FRMD4B: variants seen among roughly 807,000 people sequenced by gnomAD.
The protein encoded by FRMD4B is FERM domain containing 4B, also known as FERM domain-containing protein 4B.
A neutral mutation model predicts 141.5 loss-of-function variants in FRMD4B; 74 were observed. The ratio of observed to expected loss-of-function variants is 0.52; its 90% CI spans 0.43 to 0.63. The LOEUF (loss-of-function observed/expected upper bound fraction) is 0.63, where lower values mean the gene tolerates loss of function less well. Among genes scored for constraint, FRMD4B ranks in the 30% least tolerant of loss-of-function variants. The pLI is 0.00. For missense variants in FRMD4B, 1,366 were observed against 1,253.4 expected, an observed-to-expected ratio of 1.09 and a Z score of -1.36; for synonymous variants, 506 against 467.9, an observed-to-expected ratio of 1.08 and a Z score of -1.05.
At chr3:69,376,637 T>G (rs1165561908) in intron 1 of FRMD4B, among the ~76,000 whole-genome samples, 2 of 152,206 alleles carry the variant, frequency 1.3e-5, no homozygotes, top group Non-Finnish European at 2.9e-5. Flanking sequence ...TGCTAGCATT[T>G]TTTATAGCAA....
chr3:69,518,585 T>C (rs1297861150), intron 1 of FRMD4B, among the ~76,000 whole-genome samples: 2 of 152,184 alleles, frequency 1.3e-5, no homozygotes, highest in African/African-American at 4.8e-5. Flanking sequence ...GTGGTCCACA[T>C]TGTAGCAGAG....
chr3:69,464,741 C>T (rs953957828), intron 1 of FRMD4B, among the ~76,000 whole-genome samples: 1 of 152,132 alleles, frequency 6.6e-6, no homozygotes, highest in Non-Finnish European at 1.5e-5. Flanking sequence ...AACAACACAC[C>T]GTCAATAAAT....
At chr3:69,341,783 A>T (rs1185922799) in intron 1 of FRMD4B, among the ~76,000 whole-genome samples, 4 of 152,226 alleles carry the variant, frequency 2.6e-5, no homozygotes, top group Non-Finnish European at 5.9e-5. Flanking sequence ...AGCATTTGGC[A>T]AGCTTGCCTT....
intron 1 of FRMD4B, among the ~76,000 whole-genome samples, chr3:69,440,733 G>T (rs994820870): frequency 6.6e-6 from 1 of 152,146 alleles, no homozygotes; most frequent in African/African-American, 2.4e-5. Flanking sequence ...GCTTGAACCT[G>T]GGAGGCAGAG....
chr3:69,484,525 A>G lies in FRMD4B; in HGVS notation c.-128-51764T>C, dbSNP rs190877593. Among the ~76,000 whole-genome samples the G allele has an allele frequency of 6.9e-4, 105 of 152,258 alleles. 1 individual carries two copies. Among genetic ancestry groups the G allele is most frequent in the East Asian group, 4.8e-3 (25 of 5,162 alleles). ...GAGGAGATTTATTAAGTGTTAGAAT[A>G]GCTCAGAGGAGACCCGCAGTGATTA... is the stretch of plus-strand genomic sequence containing the variant. On this transcript the variant is annotated intron_variant, in intron 1 of 5. Transcript: ENST00000459638.
intron 2 of FRMD4B, among the ~76,000 whole-genome samples, chr3:69,419,456 C>T (rs557721198): frequency 2.1e-4 from 32 of 152,234 alleles, no homozygotes; most frequent in Middle Eastern, 6.8e-3. Flanking sequence ...TTGAGCAACC[C>T]GTTGTGGAAA....
intron 1 of FRMD4B, among the ~76,000 whole-genome samples, chr3:69,453,847 T>C (rs1010623000): frequency 2.0e-5 from 3 of 152,080 alleles, no homozygotes; most frequent in Admixed American, 2.0e-4. Flanking sequence ...GAAATTCAGA[T>C]GATGGATAAA....
intron 1 of FRMD4B, among the ~76,000 whole-genome samples, chr3:69,475,884 T>G (rs548049546): frequency 1.8e-4 from 28 of 151,972 alleles, no homozygotes; most frequent in Admixed American, 3.3e-4. Flanking sequence ...CCTGACTTTT[T>G]AATGATTGCC....
chr3:69,351,989 T>C (rs1255233085), intron 1 of FRMD4B, among the ~76,000 whole-genome samples: 3 of 152,228 alleles, frequency 2.0e-5, no homozygotes, highest in Admixed American at 2.0e-4. Context: ...ACATAGTACC[T>C]GTCTGCAGCA....
chr3:69,539,152 A>C (rs1559556995), intron 1 of FRMD4B, among the ~76,000 whole-genome samples: 1 of 152,212 alleles, frequency 6.6e-6, no homozygotes, highest in East Asian at 1.9e-4. Flanking sequence ...AACTATGAAG[A>C]TTTCCTGCTA....
intron 5 of FRMD4B, among the ~76,000 whole-genome samples, chr3:69,276,615 T>A (rs555648735): frequency 1.3e-5 from 2 of 152,298 alleles, no homozygotes; most frequent in Non-Finnish European, 2.9e-5. Flanking sequence ...GCATTGGCTT[T>A]CAAGAGAACT....
chr3:69,500,533 A>G (rs575573289), intron 1 of FRMD4B, among the ~76,000 whole-genome samples: 1 of 152,216 alleles, frequency 6.6e-6, no homozygotes, highest in Admixed American at 6.5e-5. Context: ...CTACTTGCAG[A>G]GGTGTAGGAT....
chr3:69,497,430 T>C (rs1706420641), intron 1 of FRMD4B, among the ~76,000 whole-genome samples: 1 of 152,190 alleles, frequency 6.6e-6, no homozygotes, highest in Non-Finnish European at 1.5e-5. Context: ...CAAAAGAATT[T>C]CGGACGACTG....
chr3:69,207,342 AAATC>A, intron 11 of FRMD4B, among the ~76,000 whole-genome samples: 1 of 151,232 alleles, frequency 6.6e-6, no homozygotes, highest in Non-Finnish European at 1.5e-5. Context: ...GAAAGAAAAT[AAATC>A]TTTACTGTTT....
chr3:69,286,853 G>A (rs996070897), intron 5 of FRMD4B, among the ~76,000 whole-genome samples: 1 of 152,220 alleles, frequency 6.6e-6, no homozygotes, highest in Non-Finnish European at 1.5e-5. Flanking sequence ...CGCCCAGGCT[G>A]GAGTGCAGTG....
chr3:69,507,390 T>G (rs1706614472), intron 1 of FRMD4B, among the ~76,000 whole-genome samples: 1 of 151,588 alleles, frequency 6.6e-6, no homozygotes, highest in Non-Finnish European at 1.5e-5. Flanking sequence ...TGTAAGTTTG[T>G]GTGTGTGTGT....
rs1057385571 is a variant in FRMD4B at position 69,386,006 on chromosome 3, T to C, written c.-17A>G. Reference sequence around the variant, plus strand: ...CGAAGCCATGCCTCCTCCTTCGCTCTGAACCCGGGCGTCCCGGCTCTCGTA... The same window carrying C: ...CGAAGCCATGCCTCCTCCTTCGCTCCGAACCCGGGCGTCCCGGCTCTCGTA... On this transcript the variant is annotated 5_prime_UTR_variant, in exon 1 of 23. Coordinates refer to ENST00000398540, the MANE Select transcript of FRMD4B (RefSeq NM_015123.3). 1.9e-6 allele frequency: 3 copies of C among 1,558,496 alleles called. No individual in the cohort carries two copies. Among genetic ancestry groups the C allele is most frequent in the Non-Finnish European group, 2.6e-6 (3 of 1,146,470 alleles).
intron 22 of FRMD4B, among the ~76,000 whole-genome samples, chr3:69,175,925 C>A (rs964143644): frequency 6.6e-6 from 1 of 151,950 alleles, no homozygotes; most frequent in South Asian, 2.1e-4. Context: ...GGACTACAAG[C>A]GCCCGCCACC....
chr3:69,479,383 C>A (rs865876100), intron 1 of FRMD4B, among the ~76,000 whole-genome samples: 3,688 of 151,992 alleles, frequency 0.024, 159 homozygotes, highest in African/African-American at 0.084. Context: ...CCTTCAGGAG[C>A]TCTTTTAGGG....
Sources: gnomAD v4.1 joint callset for allele counts (sites outside exome capture counted in the v4.1 genomes callset) on GRCh38, gnomAD v4.1.1 for gene constraint, MANE v1.5 for transcripts, NCBI Gene and HGNC (gene_info 2026-07-23, HGNC 2026-07-21) for gene names.